DSE: variants seen among roughly 807,000 people sequenced by gnomAD.
DSE encodes dermatan-sulfate epimerase.
DSE carries 36 observed loss-of-function variants against 84.4 expected under a neutral mutation model. That is an observed-to-expected ratio of 0.43 (90% CI 0.33 to 0.56). DSE has a LOEUF of 0.56. Ranked by LOEUF, DSE falls within the 20% of genes least tolerant of loss-of-function variation. The pLI, the probability that DSE is intolerant of heterozygous loss-of-function variation, is 0.06. For synonymous variants in DSE, 410 were observed against 430.1 expected (o/e 0.95, Z 0.58); for missense variants, 862 against 1,169.6 (o/e 0.74, Z 3.84).
intron 1 of DSE, among the ~76,000 whole-genome samples, chr6:116,381,759 T>C (rs2114947641): frequency 6.6e-6 from 1 of 152,182 alleles, no homozygotes; most frequent in Middle Eastern, 3.4e-3. Context: ...ATGTTTACTT[T>C]AGAAATGAGA....
At chr6:116,268,461 T>C (rs9481617) in intron 2 of DSE, among the ~76,000 whole-genome samples, 31,174 of 152,172 alleles carry the variant, frequency 0.2, 4,122 homozygotes, top group African/African-American at 0.37. Context: ...TGTCTCATTG[T>C]TAAGTGAAAC....
chr6:116,348,077 A>G (rs1466296600), intron 2 of DSE, among the ~76,000 whole-genome samples: 1 of 152,236 alleles, frequency 6.6e-6, no homozygotes, highest in African/African-American at 2.4e-5. Flanking sequence ...AGAGAAATGC[A>G]AATCAAAACC....
intron 2 of DSE, chr6:116,279,625 C>T (rs761528421): frequency 2.5e-6 from 4 of 1,603,226 alleles, no homozygotes; most frequent in Non-Finnish European, 3.4e-6. Flanking sequence ...CTGGGGTACG[C>T]CCCCCTCCTC....
chr6:116,415,794 G>T (rs954680902), intron 2 of DSE, among the ~76,000 whole-genome samples: 2 of 152,012 alleles, frequency 1.3e-5, no homozygotes, highest in Non-Finnish European at 2.9e-5. Flanking sequence ...CTGCATTAAT[G>T]AGTTTGTTCA....
intron 1 of DSE, among the ~76,000 whole-genome samples, chr6:116,375,865 T>C (rs1779892319): frequency 2.0e-5 from 3 of 152,204 alleles, no homozygotes; most frequent in Admixed American, 1.3e-4. Flanking sequence ...TGGACAGTGA[T>C]ATAGAGCTAG....
intron 2 of DSE, among the ~76,000 whole-genome samples, chr6:116,340,029 G>A (rs998940855): frequency 6.6e-6 from 1 of 152,110 alleles, no homozygotes; most frequent in African/African-American, 2.4e-5. Flanking sequence ...GATTGAGGAA[G>A]GAACAAAGTA....
intron 2 of DSE, among the ~76,000 whole-genome samples, chr6:116,351,333 A>G (rs1433411703): frequency 6.6e-6 from 1 of 152,190 alleles, no homozygotes; most frequent in East Asian, 1.9e-4. Context: ...GGTACCTGTG[A>G]GAGAAAACAA....
intron 2 of DSE, among the ~76,000 whole-genome samples, chr6:116,321,929 T>C (rs896746678): frequency 1.3e-5 from 2 of 152,106 alleles, no homozygotes; most frequent in African/African-American, 2.4e-5. Flanking sequence ...CACATGATAG[T>C]GTAGCAGGAC....
intron 2 of DSE, among the ~76,000 whole-genome samples, chr6:116,314,901 A>G (rs1775877693): frequency 6.6e-6 from 1 of 152,202 alleles, no homozygotes; most frequent in South Asian, 2.1e-4. Flanking sequence ...TAAAAGCTCC[A>G]TTTAGCAATA....
intron 2 of DSE, among the ~76,000 whole-genome samples, chr6:116,351,957 C>CT (rs1778335842): frequency 6.6e-6 from 1 of 152,138 alleles, no homozygotes; most frequent in Non-Finnish European, 1.5e-5. Context: ...AACTGCAGTT[C>CT]TTCTATCCCA....
chr6:116,333,135 T>C (rs1412502658), intron 2 of DSE, among the ~76,000 whole-genome samples: 2 of 152,218 alleles, frequency 1.3e-5, no homozygotes, highest in East Asian at 1.9e-4. Context: ...GAATAGAATT[T>C]ACATATATTC....
chr6:116,368,638 C>A (rs1779306436), upstream of DSE, among the ~76,000 whole-genome samples: 1 of 152,082 alleles, frequency 6.6e-6, no homozygotes, highest in Non-Finnish European at 1.5e-5. Flanking sequence ...ATGGAAGCTC[C>A]AAGGATATAC....
intron 2 of DSE, among the ~76,000 whole-genome samples, chr6:116,260,343 T>C (rs1772359312): frequency 6.6e-6 from 1 of 152,250 alleles, no homozygotes; most frequent in Non-Finnish European, 1.5e-5. Flanking sequence ...TCTTTGTTTT[T>C]TCTTGTGAAT....
At chr6:116,401,991 A>G (rs996074591) in intron 2 of DSE, among the ~76,000 whole-genome samples, 2 of 151,894 alleles carry the variant, frequency 1.3e-5, no homozygotes, top group African/African-American at 2.4e-5. Flanking sequence ...TTTGAAGAGC[A>G]TTTTTACTCT....
chr6:116,430,974 T>C lies in DSE; in HGVS notation c.691T>C (p.Leu231=). 2 of 1,613,846 alleles carry C rather than the reference T, an allele frequency of 1.2e-6. No homozygotes were observed. Among genetic ancestry groups the C allele is most frequent in the Non-Finnish European group, 1.7e-6 (2 of 1,180,020 alleles). The part of the protein sequence containing the change: ...MNQGYLQEAY[L]WTKQVLTIME... Reference sequence around the variant, plus strand: ...TTCAGGATATCTTCAAGAAGCCTACTTATGGACCAAACAAGTTCTGACCAT... The same window carrying C: ...TTCAGGATATCTTCAAGAAGCCTACCTATGGACCAAACAAGTTCTGACCAT... The change falls in exon 4 of 6, where the codon TTA becomes CTA. Residue 231 remains leucine, a synonymous_variant. Coordinates refer to ENST00000644252, the MANE Select transcript of DSE (RefSeq NM_013352.4).
chr6:116,303,160 T>A (rs532157825), intron 2 of DSE, among the ~76,000 whole-genome samples: 2 of 152,318 alleles, frequency 1.3e-5, no homozygotes, highest in South Asian at 4.1e-4. Flanking sequence ...TTTTATGCTA[T>A]TTGCTTTGCT....
chr6:116,321,699 G>A (rs1246698244), intron 2 of DSE, among the ~76,000 whole-genome samples: 11 of 152,064 alleles, frequency 7.2e-5, no homozygotes, highest in African/African-American at 2.2e-4. Context: ...GATTGAACCC[G>A]GGAGGTGGAA....
chr6:116,326,287 T>A (rs1776615839), intron 2 of DSE, among the ~76,000 whole-genome samples: 1 of 152,040 alleles, frequency 6.6e-6, no homozygotes, highest in African/African-American at 2.4e-5. Context: ...TAAGGAGTCA[T>A]AGCCTCTAGA....
chr6:116,385,881 G>C (rs935717031), intron 1 of DSE, among the ~76,000 whole-genome samples: 3 of 151,534 alleles, frequency 2.0e-5, no homozygotes, highest in Non-Finnish European at 4.4e-5. Flanking sequence ...AGGAATGCTT[G>C]TATATAAGTA....
Sources: gnomAD v4.1 joint callset for allele counts (sites outside exome capture counted in the v4.1 genomes callset) on GRCh38, gnomAD v4.1.1 for gene constraint, MANE v1.5 for transcripts, NCBI Gene and HGNC (gene_info 2026-07-23, HGNC 2026-07-21) for gene names.